The following TANC2 variants were observed in gnomAD, a reference collection of about 807,000 sequenced individuals.
The protein encoded by TANC2 is protein TANC2.
Under a neutral mutation model 210.5 loss-of-function variants are expected in TANC2, and 26 were observed. That is an observed-to-expected ratio of 0.12 (90% CI 0.09 to 0.17). The LOEUF (loss-of-function observed/expected upper bound fraction) is 0.17. Among genes scored for constraint, TANC2 ranks in the 10% least tolerant of loss-of-function variants. TANC2 has a pLI of 1.00. For synonymous variants in TANC2, 931 were observed against 967.1 expected, an observed-to-expected ratio of 0.96 and a Z score of 0.69; for missense variants, 2,129 against 2,608.9, an observed-to-expected ratio of 0.82 and a Z score of 4.01.
intron 9 of TANC2, among the ~76,000 whole-genome samples, 168 bp downstream of exon 9, chr17:63,268,041 T>G (rs1424332460): frequency 6.6e-6 from 1 of 152,200 alleles, no homozygotes; most frequent in East Asian, 1.9e-4. Flanking sequence ...TAGAGAAAGA[T>G]AAACACAAAT....
chr17:63,339,332 G>C (rs945898823), intron 11 of TANC2, among the ~76,000 whole-genome samples: 1 of 152,130 alleles, frequency 6.6e-6, no homozygotes, highest in African/African-American at 2.4e-5. Context: ...TGCCGTGGAG[G>C]CAAAGAGAAC....
intron 8 of TANC2, among the ~76,000 whole-genome samples, chr17:63,250,698 C>T (rs918812790): frequency 1.3e-5 from 2 of 152,014 alleles, no homozygotes; most frequent in African/African-American, 4.8e-5. Flanking sequence ...TACTATATGC[C>T]AGGCACTGTT....
At chr17:63,126,570 G>A (rs2038717326) in intron 4 of TANC2, among the ~76,000 whole-genome samples, 1 of 152,042 alleles carries the variant, frequency 6.6e-6, no homozygotes, top group African/African-American at 2.4e-5. Flanking sequence ...CACCACACTG[G>A]CTGATTTTTT....
intron 2 of TANC2, among the ~76,000 whole-genome samples, chr17:63,031,020 G>A (rs373260987): frequency 6.6e-6 from 1 of 152,032 alleles, no homozygotes; most frequent in African/African-American, 2.4e-5. Context: ...TTACCACTTC[G>A]AAGATCTTAA....
chr17:63,075,420 C>G (rs1010276871), intron 3 of TANC2, among the ~76,000 whole-genome samples: 2 of 152,112 alleles, frequency 1.3e-5, no homozygotes, highest in Non-Finnish European at 2.9e-5. Context: ...TACGTGATCT[C>G]AATTTGAAGT....
intron 2 of TANC2, among the ~76,000 whole-genome samples, chr17:63,072,008 G>A (rs1476253086): frequency 6.6e-6 from 1 of 152,124 alleles, no homozygotes; most frequent in African/African-American, 2.4e-5. Context: ...TGTGAAATAG[G>A]TCTTTACTTC....
intron 4 of TANC2, among the ~76,000 whole-genome samples, chr17:63,118,288 ATATT>A (rs1461317805): frequency 2.6e-5 from 4 of 152,122 alleles, no homozygotes; most frequent in Non-Finnish European, 5.9e-5. Flanking sequence ...GCAAGTTATG[ATATT>A]TATTGTCTTA....
At chr17:63,284,054 G>A (rs1339314658) in intron 9 of TANC2, among the ~76,000 whole-genome samples, 1 of 151,904 alleles carries the variant, frequency 6.6e-6, no homozygotes, top group Admixed American at 6.6e-5. Flanking sequence ...TAGGTGGAAA[G>A]CATTCAGTCT....
intron 4 of TANC2, among the ~76,000 whole-genome samples, chr17:63,132,333 GA>G (rs1423160097): frequency 6.6e-6 from 1 of 151,926 alleles, no homozygotes; most frequent in Non-Finnish European, 1.5e-5. Context: ...AGAGATTTAT[GA>G]AAACCCAACA....
At chr17:63,201,011 A>G in intron 7 of TANC2, 54 bp downstream of exon 7, 1 of 1,492,174 alleles carries the variant, frequency 6.7e-7, no homozygotes, top group Non-Finnish European at 9.1e-7. Context: ...TTTTTAAAAT[A>G]ATTACACAAG....
intron 25 of TANC2, 30 bp downstream of exon 25, chr17:63,413,664 A>G (rs1269211802): frequency 6.5e-7 from 1 of 1,547,756 alleles, no homozygotes; most frequent in Non-Finnish European, 8.8e-7. Flanking sequence ...CAGTTTCTTC[A>G]GAACAGCCAC....
chr17:63,098,515 G>GTATATATATATATA (rs373665673), intron 3 of TANC2, among the ~76,000 whole-genome samples: 2 of 126,754 alleles, frequency 1.6e-5, no homozygotes, highest in Admixed American at 8.0e-5. Flanking sequence ...CTCTCTGTGT[G>GTATATATATATATA]TATATATATA....
intron 21 of TANC2, among the ~76,000 whole-genome samples, chr17:63,408,068 A>G (rs2048573485): frequency 1.3e-5 from 2 of 152,246 alleles, no homozygotes; most frequent in Non-Finnish European, 2.9e-5. Flanking sequence ...TTTAAAAACA[A>G]TCACTCTGGC....
At chr17:63,231,901 A>G (rs1426294485) in intron 7 of TANC2, among the ~76,000 whole-genome samples, 1 of 152,162 alleles carries the variant, frequency 6.6e-6, no homozygotes, top group East Asian at 1.9e-4. Context: ...CTAGTCAGTC[A>G]TAGGTTTGGT....
At chr17:63,341,112 T>C (rs1370992532) in intron 12 of TANC2, among the ~76,000 whole-genome samples, 1 of 152,208 alleles carries the variant, frequency 6.6e-6, no homozygotes, top group Non-Finnish European at 1.5e-5. Flanking sequence ...TCCTGTTTAT[T>C]CCTGAGAGAC....
chr17:63,107,257 G>A (rs780507323), intron 4 of TANC2, among the ~76,000 whole-genome samples: 2 of 151,566 alleles, frequency 1.3e-5, no homozygotes, highest in African/African-American at 4.9e-5. Flanking sequence ...TCCAGGGAGT[G>A]TTATTTATAA....
intron 5 of TANC2, among the ~76,000 whole-genome samples, chr17:63,184,460 C>T (rs1438624448): frequency 1.3e-5 from 2 of 151,844 alleles, no homozygotes; most frequent in African/African-American, 2.4e-5. Context: ...AACAGTTATG[C>T]CTTGCTATGA....
intron 14 of TANC2, among the ~76,000 whole-genome samples, chr17:63,364,110 A>T (rs534983847): frequency 2.6e-5 from 4 of 152,316 alleles, no homozygotes; most frequent in African/African-American, 9.6e-5. Context: ...TAAATCTGAG[A>T]CTCATATCTG....
chr17:63,238,006 T>C (rs1264374457), exon 8 of TANC2: 13 of 1,568,534 alleles, frequency 8.3e-6, no homozygotes, highest in Non-Finnish European at 1.1e-5. Flanking sequence ...GAGAGAAATT[T>C]GGAAACAGTG....
Sources: allele counts gnomAD v4.1 joint callset (sites outside exome capture counted in the v4.1 genomes callset), GRCh38; gene constraint gnomAD v4.1.1; transcripts MANE v1.5; gene names NCBI Gene and HGNC (gene_info 2026-07-23, HGNC 2026-07-21).